HEPACAM2: variants seen among roughly 807,000 people sequenced by gnomAD.
HEPACAM2 encodes HEPACAM family member 2.
A neutral mutation model predicts 49.6 loss-of-function variants in HEPACAM2; 49 were observed. The observed-to-expected ratio is 0.99, with a 90% CI of 0.78 to 1.25. The LOEUF (loss-of-function observed/expected upper bound fraction) is 1.25. HEPACAM2 is among the 50% of genes most tolerant of loss of function. The pLI is 0.00. For missense variants in HEPACAM2, 525 were observed against 557.2 expected, an observed-to-expected ratio of 0.94 and a Z score of 0.58; for synonymous variants, 197 against 202.9, an observed-to-expected ratio of 0.97 and a Z score of 0.25.
At chr7:93,207,713 T>C (rs1562827466) in intron 4 of HEPACAM2, among the ~76,000 whole-genome samples, 1 of 151,814 alleles carries the variant, frequency 6.6e-6, no homozygotes, top group Non-Finnish European at 1.5e-5. Context: ...ACAGACAGAA[T>C]AGCAATTTTG....
intron 8 of HEPACAM2, among the ~76,000 whole-genome samples, chr7:93,194,991 C>A (rs1048150102): frequency 3.4e-5 from 5 of 146,650 alleles, no homozygotes; most frequent in African/African-American, 1.3e-4. Context: ...ATCTCATGCA[C>A]CTTTAGGGCA....
At chr7:93,189,711 CA>C (rs1443000770) in intron 9 of HEPACAM2, among the ~76,000 whole-genome samples, 1 of 151,918 alleles carries the variant, frequency 6.6e-6, no homozygotes, top group African/African-American at 2.4e-5. Context: ...AAGAAAATAA[CA>C]CTGTTATTTT....
the HEPACAM2 span, among the ~76,000 whole-genome samples, chr7:93,231,985 G>A: frequency 6.6e-6 from 1 of 151,914 alleles, no homozygotes; most frequent in Admixed American, 6.6e-5. Context: ...TCAGTCTCTC[G>A]TTCTCCCACC....
Position 93,189,017 on chromosome 7 carries a change from A to G in HEPACAM2, c.*250T>C, listed in dbSNP as rs1793469371. 8.5e-6 allele frequency: 4 copies of G among 472,766 alleles called. No individual in the cohort carries two copies. Among genetic ancestry groups the G allele is most frequent in the Non-Finnish European group, 1.5e-5 (4 of 268,164 alleles). The allele number at this position is 472,766 out of a possible 1,614,324, so 29.3% of individuals were successfully genotyped here. On this transcript the variant is annotated 3_prime_UTR_variant, in exon 10 of 10. Coordinates refer to ENST00000394468, the MANE Select transcript of HEPACAM2 (RefSeq NM_001039372.4). ...TGTCACTTTCGTTCTCCCCGTCAGC[A>G]TGAGAACGACTCTCCACTGAGGAAT... is the stretch of plus-strand genomic sequence containing the variant.
chr7:93,230,403 A>C (rs1226252149), upstream of HEPACAM2, among the ~76,000 whole-genome samples: 3 of 152,230 alleles, frequency 2.0e-5, no homozygotes, highest in Non-Finnish European at 4.4e-5. Flanking sequence ...TTAAACAAAC[A>C]AACATCCCCA....
chr7:93,201,247 A>T (rs1477594606), intron 4 of HEPACAM2, among the ~76,000 whole-genome samples: 1 of 152,108 alleles, frequency 6.6e-6, no homozygotes, highest in Non-Finnish European at 1.5e-5. Flanking sequence ...CAGTATCTTC[A>T]TACATAAGGT....
At chr7:93,203,543 ATTC>A (rs1439891294) in intron 4 of HEPACAM2, among the ~76,000 whole-genome samples, 2 of 152,150 alleles carry the variant, frequency 1.3e-5, no homozygotes, top group Non-Finnish European at 2.9e-5. Flanking sequence ...AGTTTATACT[ATTC>A]TTTAGCACAT....
At chr7:93,227,812 C>T (rs180936674), upstream of HEPACAM2, among the ~76,000 whole-genome samples, 2 of 152,200 alleles carry the variant, frequency 1.3e-5, no homozygotes, top group African/African-American at 4.8e-5. Context: ...GTTTATTTTC[C>T]CTCTGAGCTC....
At chr7:93,227,336 C>T (rs1794559144), upstream of HEPACAM2, among the ~76,000 whole-genome samples, 1 of 152,156 alleles carries the variant, frequency 6.6e-6, no homozygotes, top group Admixed American at 6.5e-5. Flanking sequence ...GGCTCTGGTT[C>T]TAGCCTTGTT....
intron 1 of HEPACAM2, among the ~76,000 whole-genome samples, chr7:93,222,396 C>CT (rs901924686): frequency 6.6e-5 from 10 of 150,948 alleles, no homozygotes; most frequent in South Asian, 4.2e-4. Flanking sequence ...TTGCTCCCTC[C>CT]TTTTTTTTTA....
upstream of HEPACAM2, among the ~76,000 whole-genome samples, chr7:93,228,404 G>A (rs1794575662): frequency 1.3e-5 from 2 of 152,196 alleles, no homozygotes; most frequent in South Asian, 2.1e-4. Context: ...AAGGGCTACT[G>A]GGATAATCAT....
intron 8 of HEPACAM2, 141 bp from the exon 9 acceptor site, chr7:93,192,504 C>T: frequency 1.5e-6 from 1 of 646,942 alleles, no homozygotes; most frequent in South Asian, 1.9e-5. Flanking sequence ...AGTTGACTTC[C>T]TCCTTGCTAC....
chr7:93,205,100 CAAA>C (rs770467095), intron 4 of HEPACAM2, among the ~76,000 whole-genome samples: 2 of 79,602 alleles, frequency 2.5e-5, no homozygotes, highest in Non-Finnish European at 2.6e-5. Context: ...AACTTCATCT[CAAA>C]AAAAAAAAAA....
At chr7:93,207,401 G>A (rs2116678075) in intron 4 of HEPACAM2, among the ~76,000 whole-genome samples, 1 of 151,978 alleles carries the variant, frequency 6.6e-6, no homozygotes, top group South Asian at 2.1e-4. Flanking sequence ...GAAGGACTTA[G>A]CAGTAGTAGA....
At chr7:93,199,134 A>G (rs1163936061) in intron 4 of HEPACAM2, among the ~76,000 whole-genome samples, 1 of 152,102 alleles carries the variant, frequency 6.6e-6, no homozygotes, top group Non-Finnish European at 1.5e-5. Context: ...GGGAGTTTAT[A>G]AATTTCTGAC....
At chr7:93,206,356 T>C (rs1240381432) in intron 4 of HEPACAM2, among the ~76,000 whole-genome samples, 3 of 152,146 alleles carry the variant, frequency 2.0e-5, no homozygotes, top group Non-Finnish European at 4.4e-5. Context: ...TGTTAGATTG[T>C]GAGCAGGAAT....
chr7:93,197,152 T>G, intron 7 of HEPACAM2, 89 bp downstream of exon 7: 1 of 857,186 alleles, frequency 1.2e-6, no homozygotes, highest in African/African-American at 1.8e-5. Context: ...TCATATTAAT[T>G]ATATTACATT....
intron 4 of HEPACAM2, 125 bp downstream of exon 4, chr7:93,208,455 A>C (rs542166982): frequency 1.2e-6 from 1 of 836,644 alleles, no homozygotes; most frequent in East Asian, 2.9e-5. Flanking sequence ...GGAAAGAGAG[A>C]TTTTTAGAAT....
chr7:93,200,951 A>C (rs1219210718), intron 4 of HEPACAM2, among the ~76,000 whole-genome samples: 2 of 152,006 alleles, frequency 1.3e-5, no homozygotes, highest in Non-Finnish European at 2.9e-5. Flanking sequence ...ACACATACCC[A>C]CACTAACTCA....
Sources: gnomAD v4.1 joint callset for allele counts (sites outside exome capture counted in the v4.1 genomes callset) on GRCh38, gnomAD v4.1.1 for gene constraint, MANE v1.5 for transcripts, NCBI Gene and HGNC (gene_info 2026-07-23, HGNC 2026-07-21) for gene names.